Variants in RAB3IP observed in about 807,000 individuals in gnomAD.
RAB3IP encodes RAB3A interacting protein.
A neutral mutation model predicts 59.1 loss-of-function variants in RAB3IP; 36 were observed. The ratio of observed to expected loss-of-function variants is 0.61; its 90% confidence interval spans 0.47 to 0.80. RAB3IP has a LOEUF of 0.80. Ranked by LOEUF, RAB3IP falls within the 30% of genes least tolerant of loss-of-function variation. The pLI is 0.00. For synonymous variants in RAB3IP, 207 were observed against 191.2 expected, an observed-to-expected ratio of 1.08 and a Z score of -0.68; for missense variants, 511 against 536.0, an observed-to-expected ratio of 0.95 and a Z score of 0.46.
intron 4 of RAB3IP, among the ~76,000 whole-genome samples, chr12:69,791,839 A>G (rs565302716): frequency 6.6e-6 from 1 of 152,226 alleles, no homozygotes; most frequent in Non-Finnish European, 1.5e-5. Context: ...GAAAATTGCT[A>G]TCCTGATGAG....
chr12:69,745,463 A>G (rs2136101531), intron 1 of RAB3IP, among the ~76,000 whole-genome samples: 1 of 152,060 alleles, frequency 6.6e-6, no homozygotes, highest in South Asian at 2.1e-4. Flanking sequence ...AAGGAGCTGA[A>G]TAAGTATTAA....
At chr12:69,804,997 A>G (rs1365676073) in intron 8 of RAB3IP, among the ~76,000 whole-genome samples, 1 of 152,188 alleles carries the variant, frequency 6.6e-6, no homozygotes, top group Non-Finnish European at 1.5e-5. Flanking sequence ...TTGGTTCCAT[A>G]TGAACTTTAA....
chr12:69,748,340 T>C (rs1033182614), intron 1 of RAB3IP, among the ~76,000 whole-genome samples: 1 of 152,220 alleles, frequency 6.6e-6, no homozygotes, highest in Admixed American at 6.5e-5. Flanking sequence ...ATTTTAAAAA[T>C]TCACTTTAAT....
intron 1 of RAB3IP, chr12:69,739,586 G>C: frequency 1.8e-6 from 1 of 571,254 alleles, no homozygotes; most frequent in Non-Finnish European, 3.1e-6. Flanking sequence ...GTGCTGAGGC[G>C]TAGAGGTCAC....
At chr12:69,780,987 A>T (rs1874603525) in intron 3 of RAB3IP, among the ~76,000 whole-genome samples, 1 of 152,200 alleles carries the variant, frequency 6.6e-6, no homozygotes, top group Non-Finnish European at 1.5e-5. Flanking sequence ...GTATTATCTT[A>T]ATGCCAATCA....
intron 8 of RAB3IP, among the ~76,000 whole-genome samples, chr12:69,807,156 A>C (rs2136269692): frequency 6.6e-6 from 1 of 151,576 alleles, no homozygotes; most frequent in East Asian, 2.0e-4. Flanking sequence ...CTCACTTCCC[A>C]GACGGGGTGG....
At chr12:69,802,716 T>C (rs1321094635) in intron 8 of RAB3IP, among the ~76,000 whole-genome samples, 5 of 152,226 alleles carry the variant, frequency 3.3e-5, no homozygotes, top group Admixed American at 6.5e-5. Flanking sequence ...TGAGATGAAC[T>C]AATAGGTCTG....
At chr12:69,799,714 C>A (rs938109635) in intron 6 of RAB3IP, among the ~76,000 whole-genome samples, 3 of 151,942 alleles carry the variant, frequency 2.0e-5, no homozygotes, top group Admixed American at 6.6e-5. Flanking sequence ...TTTTTGATCC[C>A]AAACTAGGTT....
chr12:69,795,254 G>A lies in RAB3IP; in HGVS notation c.798G>A (p.Gly266=), dbSNP rs1266307309. The A allele has an allele frequency of 4.3e-6, 7 of 1,613,890 alleles. No homozygotes were observed. The highest frequency in any genetic ancestry group is 2.2e-5 in the East Asian group (1 of 44,890). ...GTGGAAAGACACCTTTTAAAAAGGG[G>A]CATACAAGAAATAAAAGCACAAGCA... ...LPGGKTPFKK[G]HTRNKSTSSA... is the part of the protein sequence containing the mutation. Residue 266 remains glycine (G), a synonymous_variant, in exon 6 of 11, where the codon GGG becomes GGA. Coordinates refer to ENST00000247833, the MANE Select transcript of RAB3IP (RefSeq NM_022456.5).
intron 8 of RAB3IP, among the ~76,000 whole-genome samples, chr12:69,807,158 A>C (rs1162830890): frequency 4.0e-5 from 6 of 151,610 alleles, no homozygotes; most frequent in African/African-American, 9.7e-5. Context: ...CACTTCCCAG[A>C]CGGGGTGGCC....
At position 69,812,994 on chromosome 12, in the gene RAB3IP, A is replaced by G; in HGVS notation, c.1261A>G (p.Ile421Val). 1 of 1,613,708 alleles carries G rather than the reference A, an allele frequency of 6.2e-7. No homozygotes were observed. Among genetic ancestry groups the G allele is most frequent in the Non-Finnish European group, 8.5e-7 (1 of 1,179,654 alleles). ...ITSVCNFFTY[I>V]RYIQQGLVKQ... ...TTCTGTATGTAACTTTTTTACATAC[A>G]TTCGATACATTCAGCAGGGACTCGT... The change falls in exon 10 of 11, where the codon ATT (isoleucine) becomes GTT (valine). Residue 421 changes from isoleucine (I) to valine (V), a missense_variant. By Grantham distance (29) the Ile-to-Val change is conservative (BLOSUM62 3). Transcript: ENST00000247833.
chr12:69,803,355 C>G (rs773942011), intron 8 of RAB3IP, among the ~76,000 whole-genome samples: 2 of 151,990 alleles, frequency 1.3e-5, no homozygotes, highest in Non-Finnish European at 2.9e-5. Flanking sequence ...GGCCGTGGTT[C>G]TTGTGAGCTA....
intron 1 of RAB3IP, among the ~76,000 whole-genome samples, chr12:69,741,086 T>C (rs1360552742): frequency 1.3e-5 from 2 of 152,250 alleles, no homozygotes; most frequent in African/African-American, 4.8e-5. Context: ...CAACCTAATA[T>C]GAACTTCATA....
intron 1 of RAB3IP, among the ~76,000 whole-genome samples, chr12:69,754,366 C>CACAT (rs1869847344): frequency 6.6e-6 from 1 of 151,396 alleles, no homozygotes; most frequent in Admixed American, 6.6e-5. Context: ...CACACACACA[C>CACAT]ACACTGTGTA....
rs1222613203 is a variant in RAB3IP at position 69,820,613 on chromosome 12, C to A, written c.*5167C>A. 6.8e-6 allele frequency: 1 copy of A among 147,582 alleles called. No homozygotes were observed. The highest frequency in any genetic ancestry group is 1.5e-5 in the Non-Finnish European group (1 of 67,598). The allele number at this position is 147,582 out of a possible 1,614,324, so 9.1% of individuals were successfully genotyped here. On this transcript the variant is annotated 3_prime_UTR_variant, in exon 11 of 11. Coordinates refer to ENST00000247833, the MANE Select transcript of RAB3IP (RefSeq NM_022456.5). Reference sequence around the variant, plus strand: ...ATGGCTCATGCCTGTAATCCCAGCACTTTGGGAGGCCGAGGCGGGCGGATC... The same window carrying A: ...ATGGCTCATGCCTGTAATCCCAGCAATTTGGGAGGCCGAGGCGGGCGGATC...
intron 8 of RAB3IP, among the ~76,000 whole-genome samples, chr12:69,802,246 G>A (rs919783699): frequency 1.3e-5 from 2 of 151,936 alleles, no homozygotes; most frequent in Non-Finnish European, 2.9e-5. Context: ...GGAAGGTACT[G>A]AGTTAGACTA....
At chr12:69,752,432 C>T (rs965574705) in intron 1 of RAB3IP, among the ~76,000 whole-genome samples, 5 of 152,014 alleles carry the variant, frequency 3.3e-5, no homozygotes, top group East Asian at 3.9e-4. Flanking sequence ...CACTTCATAG[C>T]GATACATGGA....
At chr12:69,784,469 T>C (rs1318363005) in intron 3 of RAB3IP, among the ~76,000 whole-genome samples, 1 of 150,034 alleles carries the variant, frequency 6.7e-6, no homozygotes, top group African/African-American at 2.4e-5. Flanking sequence ...ATATATATAA[T>C]GTATATTTTT....
intron 1 of RAB3IP, among the ~76,000 whole-genome samples, chr12:69,751,134 G>T (rs575657550): frequency 6.6e-6 from 1 of 152,182 alleles, no homozygotes; most frequent in Non-Finnish European, 1.5e-5. Context: ...GAGAAGGCCA[G>T]TGAGGTACTT....
Sources: gnomAD v4.1 joint callset for allele counts (sites outside exome capture counted in the v4.1 genomes callset) on GRCh38, gnomAD v4.1.1 for gene constraint, MANE v1.5 for transcripts, NCBI Gene and HGNC (gene_info 2026-07-23, HGNC 2026-07-21) for gene names.